BLTP2: variants seen among roughly 807,000 people sequenced by gnomAD.
The protein encoded by BLTP2 is bridge-like lipid transfer protein family member 2, also known as U937-associated antigen.
chr17:28,645,098 T>TGCCGGGCCCCGAC, the BLTP2 span: 1 of 1,548,380 alleles, frequency 6.5e-7, no homozygotes, highest in Non-Finnish European at 8.7e-7. Context: ...GCCCCCGCCA[T>TGCCGGGCCCCGAC]GCCGGGCCCC....
chr17:28,632,122 A>G, the BLTP2 span: 5 of 1,614,230 alleles, frequency 3.1e-6, no homozygotes, highest in Admixed American at 8.3e-5. Flanking sequence ...GCTGGGTTTC[A>G]GGTTATTGAA....
At chr17:28,640,733 A>T in the BLTP2 span, 2 of 1,591,316 alleles carry the variant, frequency 1.3e-6, no homozygotes, top group Non-Finnish European at 1.7e-6. Flanking sequence ...TAACACTCCC[A>T]GTTCTCCCGA....
the BLTP2 span, chr17:28,637,183 A>C: frequency 1.9e-6 from 3 of 1,612,446 alleles, no homozygotes; most frequent in African/African-American, 2.7e-5. Context: ...AACAACCAGA[A>C]ACCATGTCAG....
At chr17:28,633,786 C>T in the BLTP2 span, 2 of 1,603,412 alleles carry the variant, frequency 1.2e-6, no homozygotes, top group African/African-American at 2.7e-5. Flanking sequence ...AACTTGTTCA[C>T]AACATTACCC....
the BLTP2 span, chr17:28,635,020 C>G: frequency 6.2e-7 from 1 of 1,613,296 alleles, no homozygotes; most frequent in African/African-American, 1.3e-5. Context: ...GGCCCAAGCA[C>G]GAGTCCCTTG....
the BLTP2 span, chr17:28,620,114 C>A: frequency 2.7e-6 from 3 of 1,109,100 alleles, no homozygotes; most frequent in Non-Finnish European, 3.8e-6. Flanking sequence ...GGGGTCTCTT[C>A]TAGAAAGCTA....
the BLTP2 span, chr17:28,633,320 T>C: frequency 1.9e-6 from 3 of 1,614,052 alleles, no homozygotes; most frequent in Non-Finnish European, 1.7e-6. Context: ...AAGTCACCCT[T>C]GAACACAAAC....
chr17:28,633,739 T>G, the BLTP2 span: 2 of 1,613,632 alleles, frequency 1.2e-6, no homozygotes, highest in Non-Finnish European at 1.7e-6. Flanking sequence ...CACTGTGTAC[T>G]GGAATATTTC....
chr17:28,641,556 C>T, the BLTP2 span, among the ~76,000 whole-genome samples: 3 of 151,904 alleles, frequency 2.0e-5, no homozygotes, highest in Non-Finnish European at 4.4e-5. Context: ...AGGAGAATCA[C>T]TTGAACCCAG....
chr17:28,639,635 C>T, the BLTP2 span: 25 of 1,613,970 alleles, frequency 1.5e-5, no homozygotes, highest in African/African-American at 3.1e-4. Context: ...GGGACAACAA[C>T]AACCCATCTG....
At chr17:28,620,432 T>C in the BLTP2 span, 8 of 1,533,634 alleles carry the variant, frequency 5.2e-6, no homozygotes, top group Non-Finnish European at 7.1e-6. Flanking sequence ...TGGCTTTTGT[T>C]ACAGAAGCCC....
the BLTP2 span, chr17:28,639,280 C>T: frequency 6.2e-7 from 1 of 1,611,670 alleles, no homozygotes; most frequent in South Asian, 1.1e-5. Context: ...GAGAATCCAA[C>T]TGACAAGAAG....
chr17:28,620,714 C>T, the BLTP2 span: 4 of 1,461,390 alleles, frequency 2.7e-6, no homozygotes, highest in Non-Finnish European at 2.8e-6. Context: ...TTTGGAACCA[C>T]CCCACTAGTC....
At chr17:28,635,717 G>T in the BLTP2 span, 1 of 1,186,020 alleles carries the variant, frequency 8.4e-7, no homozygotes, top group Non-Finnish European at 1.2e-6. Context: ...TCTCCACCCA[G>T]AAGTTGTTCC....
At chr17:28,635,229 CTTGAAG>C in the BLTP2 span, 1 of 1,614,108 alleles carries the variant, frequency 6.2e-7, no homozygotes, top group Non-Finnish European at 8.5e-7. Context: ...CCTCCACCTC[CTTGAAG>C]TTGAAGATAC....
chr17:28,621,490 A>G, the BLTP2 span: 1 of 1,613,860 alleles, frequency 6.2e-7, no homozygotes, highest in Non-Finnish European at 8.5e-7. Flanking sequence ...GCTCCTCGAT[A>G]TTCTTCACCT....
chr17:28,639,537 A>T, the BLTP2 span: 2 of 1,612,836 alleles, frequency 1.2e-6, no homozygotes, highest in Non-Finnish European at 1.7e-6. Context: ...GCGGGAGAAT[A>T]GAGAAAGGAA....
the BLTP2 span, chr17:28,638,001 C>A: frequency 6.2e-7 from 1 of 1,614,234 alleles, no homozygotes; most frequent in Non-Finnish European, 8.5e-7. Flanking sequence ...GCACAGGTAT[C>A]TGATGCTTCC....
At chr17:28,619,148 G>A in the BLTP2 span, among the ~76,000 whole-genome samples, 1 of 152,112 alleles carries the variant, frequency 6.6e-6, no homozygotes, top group Admixed American at 6.6e-5. Context: ...GGTCATAGGA[G>A]CACAAATCCC....
Sources: gnomAD v4.1 joint callset for allele counts (sites outside exome capture counted in the v4.1 genomes callset) on GRCh38, gnomAD v4.1.1 for gene constraint, MANE v1.5 for transcripts, NCBI Gene and HGNC (gene_info 2026-07-23, HGNC 2026-07-21) for gene names.